The following HDX variants were observed in gnomAD, a reference collection of about 807,000 sequenced individuals.
HDX encodes chromosome X open reading frame 43.
In HDX, 19 loss-of-function variants were observed where a neutral mutation model predicts 45.2. The observed-to-expected ratio is 0.42, with a 90% confidence interval of 0.29 to 0.62. HDX has a LOEUF of 0.62. HDX is among the 20% of genes least tolerant of loss of function. The probability of loss-of-function intolerance (pLI) is 0.20; values close to 1 mark genes in which losing one functional copy is unlikely to be tolerated. For synonymous variants in HDX, 188 were observed against 172.8 expected, an observed-to-expected ratio of 1.09 and a Z score of -0.69; for missense variants, 532 against 493.9, an observed-to-expected ratio of 1.08 and a Z score of -0.73.
At chrX:84,444,930 AT>A (rs2039840549) in intron 4 of HDX, among the ~76,000 whole-genome samples, 1 of 111,880 alleles carries the variant, frequency 8.9e-6, no homozygotes, top group South Asian at 3.7e-4. Flanking sequence ...TCTTAAAGGA[AT>A]TTTTGCTGTT....
In HDX at chrX:84,326,224, C is replaced by T; in HGVS notation, c.1901G>A (p.Arg634Lys). ...QKYFKLQTFVRSLILAMKADD... is the reference protein window; with the variant it reads ...QKYFKLQTFVKSLILAMKADD... ...AGCTTTCATTGCTAATATCAAGCTTCTAACAAAAGTCTGAAGTTTAAAGTA... is the reference window on the plus strand; with the variant it reads ...AGCTTTCATTGCTAATATCAAGCTTTTAACAAAAGTCTGAAGTTTAAAGTA... Residue 634 changes from arginine (R) to lysine (K), a missense_variant, in exon 10 of 11, where the codon AGA becomes AAA. Physicochemically the swap from Arg to Lys is conservative, Grantham distance 26. Around this residue, in one of 3 missense-constraint regions of HDX, gnomAD observed 151 missense variants for 131.8 expected, o/e 1.15. Coordinates refer to ENST00000373177, the MANE Select transcript of HDX (RefSeq NM_001177479.2). 8.3e-7 allele frequency: 1 copy of T among 1,203,456 alleles called. No individual in the cohort carries two copies. Among genetic ancestry groups the T allele is most frequent in the Non-Finnish European group, 1.1e-6 (1 of 888,231 alleles).
intron 5 of HDX, among the ~76,000 whole-genome samples, chrX:84,415,748 A>T (rs2039087829): frequency 8.9e-6 from 1 of 112,297 alleles, no homozygotes; most frequent in Admixed American, 9.5e-5. Flanking sequence ...ACACTTACTG[A>T]TACAGACTGT....
At chrX:84,469,964 T>C (rs756815066) in intron 3 of HDX, among the ~76,000 whole-genome samples, 223 of 112,042 alleles carry the variant, frequency 2.0e-3, no homozygotes, top group African/African-American at 6.9e-3. Context: ...TATTTATTTA[T>C]AATACTGAAA....
chrX:84,335,555 G>A (rs983046248), intron 8 of HDX, among the ~76,000 whole-genome samples: 1 of 111,480 alleles, frequency 9.0e-6, no homozygotes, highest in Non-Finnish European at 1.9e-5. Context: ...GGCTACAAAT[G>A]AGCATGTCTT....
intron 5 of HDX, among the ~76,000 whole-genome samples, chrX:84,371,905 C>G: frequency 8.9e-6 from 1 of 112,047 alleles, no homozygotes. Flanking sequence ...TTCACCATAT[C>G]TACTGTTAAC....
At chrX:84,402,556 A>T (rs2038730649) in intron 5 of HDX, among the ~76,000 whole-genome samples, 1 of 111,264 alleles carries the variant, frequency 9.0e-6, no homozygotes, top group African/African-American at 3.3e-5. Context: ...ATGTACCACT[A>T]TTTGCTTGCC....
chrX:84,469,390 G>C lies in HDX; in HGVS notation c.333C>G (p.Tyr111Ter), dbSNP rs1442758419. The part of the protein sequence containing the change: ...ANNDVIVTGI[Y>*]SPASSSSRQG... ...GCCTACTTGATGAACTGGCTGGACT[G>C]TATATACCAGTTACAATGACATCAT... The change falls in exon 4 of 11, where the codon TAC becomes TAG. Residue 111 changes from tyrosine to a stop codon, truncating the protein, a stop_gained. Coordinates refer to ENST00000373177, the MANE Select transcript of HDX (RefSeq NM_001177479.2). LOFTEE classifies it high-confidence loss of function. 1.7e-6 allele frequency: 2 copies of C among 1,206,401 alleles called. No individual in the cohort carries two copies. Among genetic ancestry groups the C allele is most frequent in the Non-Finnish European group, 2.2e-6 (2 of 892,645 alleles).
chrX:84,447,372 C>T (rs186431272), intron 4 of HDX, among the ~76,000 whole-genome samples: 1 of 111,558 alleles, frequency 9.0e-6, no homozygotes, highest in East Asian at 2.8e-4. Flanking sequence ...AGCAAAGCAG[C>T]CTACTGGGCC....
intron 5 of HDX, among the ~76,000 whole-genome samples, chrX:84,364,723 C>T (rs2037706164): frequency 9.1e-6 from 1 of 109,361 alleles, no homozygotes; most frequent in Admixed American, 9.9e-5. Context: ...CCTTTTATAA[C>T]TGAAATTTTA....
At chrX:84,324,600 C>A (rs1200581139) in intron 10 of HDX, among the ~76,000 whole-genome samples, 3 of 111,202 alleles carry the variant, frequency 2.7e-5, no homozygotes, top group Non-Finnish European at 5.7e-5. Context: ...AGTCTTTAAT[C>A]AGAGGGAAAG....
chrX:84,441,267 A>G (rs571539211), intron 4 of HDX, among the ~76,000 whole-genome samples: 1 of 111,785 alleles, frequency 8.9e-6, no homozygotes. Context: ...GCTTTACCAC[A>G]AAGCAAGAGA....
rs1374350506 is a variant in HDX, at chrX:84,376,048, AATTTAACAACTGGAGATTATG to A, written c.1306-14457_1306-14437del. Among the ~76,000 whole-genome samples the A allele has an allele frequency of 4.5e-5, 5 of 112,251 alleles. No homozygotes were observed. The East Asian group carries it at 1.4e-3, about 32-fold the overall frequency. Reference sequence around the variant, plus strand: ...CTGATCATCCCCCTAAAAGGACACTAATTTAACAACTGGAGATTATGATTTAACAACTGGAGATCACCTGCT... The same window carrying A: ...CTGATCATCCCCCTAAAAGGACACTAATTTAACAACTGGAGATCACCTGCT... On this transcript the variant is annotated intron_variant, in intron 5 of 10. Coordinates refer to ENST00000373177, the MANE Select transcript of HDX (RefSeq NM_001177479.2).
At chrX:84,395,330 A>T (rs892625870) in intron 5 of HDX, among the ~76,000 whole-genome samples, 1 of 99,190 alleles carries the variant, frequency 1.0e-5, no homozygotes. Context: ...GAAGAATAAC[A>T]TCATTGAGAG....
In HDX at chrX:84,442,843, AC is replaced by A. The variant is rs1056481907; in HGVS notation, c.1252-2259del. Among the ~76,000 whole-genome samples the A allele has an allele frequency of 5.4e-4, 60 of 111,690 alleles. 1 individual carries two copies. In the South Asian group the frequency reaches 0.02, roughly 37 times the overall value. On this transcript the variant is annotated intron_variant, in intron 4 of 10. Transcript: ENST00000373177. ...ATATGATAAACCAAATGAATTACAA[AC>A]AAAACAAAACTTTAAACCAGTAACT... is the stretch of plus-strand genomic sequence containing the variant.
intron 5 of HDX, among the ~76,000 whole-genome samples, chrX:84,371,140 A>T (rs190906672): frequency 9.0e-6 from 1 of 111,668 alleles, no homozygotes; most frequent in East Asian, 2.8e-4. Context: ...GAAGCTGAAA[A>T]TTTTCTCCTC....
intron 7 of HDX, among the ~76,000 whole-genome samples, chrX:84,343,337 C>T (rs2037128024): frequency 1.8e-5 from 2 of 111,045 alleles, no homozygotes; most frequent in African/African-American, 6.5e-5. Context: ...TCACTGCAGC[C>T]TCAAACTCCA....
chrX:84,376,388 TAGGTACCAGCATGG>T (rs2147891002), intron 5 of HDX, among the ~76,000 whole-genome samples: 1 of 111,463 alleles, frequency 9.0e-6, no homozygotes, highest in East Asian at 2.8e-4. Context: ...TCTAGCATCT[TAGGTACCAGCATGG>T]CCACAACTGG....
chrX:84,497,730 C>A (rs761891481), intron 1 of HDX, among the ~76,000 whole-genome samples: 1 of 104,782 alleles, frequency 9.5e-6, no homozygotes, highest in Admixed American at 1.0e-4. Context: ...TTTACATATA[C>A]GTGTGTGTGT....
chrX:84,363,818 C>T (rs1316906725), intron 5 of HDX, among the ~76,000 whole-genome samples: 1 of 111,725 alleles, frequency 9.0e-6, no homozygotes, highest in Non-Finnish European at 1.9e-5. Flanking sequence ...TTCTATTGGA[C>T]TCTCAAGCCA....
Sources: gnomAD v4.1 joint callset for allele counts (sites outside exome capture counted in the v4.1 genomes callset) on GRCh38, gnomAD v4.1.1 for gene constraint, gnomAD v4.1.1 regional missense constraint, MANE v1.5 for transcripts, NCBI Gene and HGNC (gene_info 2026-07-23, HGNC 2026-07-21) for gene names.